Variants in DPP6 observed in about 807,000 individuals in gnomAD.
DPP6 encodes dipeptidyl peptidase like 6.
In DPP6, 69 loss-of-function variants were observed where a neutral mutation model predicts 122.6. The ratio of observed to expected loss-of-function variants is 0.56; its 90% confidence interval spans 0.46 to 0.69. The LOEUF (loss-of-function observed/expected upper bound fraction) is 0.69. DPP6 is among the 30% of genes least tolerant of loss of function. The pLI is 0.00. For missense variants in DPP6, 928 were observed against 1,116.9 expected (o/e 0.83, Z 2.41); for synonymous variants, 418 against 433.1 (o/e 0.97, Z 0.43).
intron 3 of DPP6, among the ~76,000 whole-genome samples, chr7:154,485,001 G>T (rs996767517): frequency 2.0e-5 from 3 of 152,190 alleles, no homozygotes; most frequent in Middle Eastern, 3.4e-3. Context: ...TAGGTAGAGG[G>T]GGGAATTCAA....
chr7:154,869,524 G>A (rs933233901), intron 18 of DPP6, among the ~76,000 whole-genome samples: 3 of 152,226 alleles, frequency 2.0e-5, no homozygotes, highest in South Asian at 2.1e-4. Context: ...AGAGGAGACC[G>A]TGCAATCCAG....
At chr7:153,883,451 C>T (rs761355383), upstream of DPP6, among the ~76,000 whole-genome samples, 3 of 151,882 alleles carry the variant, frequency 2.0e-5, no homozygotes, top group Admixed American at 6.6e-5. Context: ...GGCACAATCT[C>T]GGCTCACCAC....
chr7:154,285,125 T>C (rs1804767261), intron 1 of DPP6, among the ~76,000 whole-genome samples: 1 of 152,234 alleles, frequency 6.6e-6, no homozygotes, highest in African/African-American at 2.4e-5. Flanking sequence ...TTATTGCCAC[T>C]GAATTAAACA....
intron 5 of DPP6, 123 bp downstream of exon 5, chr7:154,567,039 T>C: frequency 1.4e-6 from 1 of 720,926 alleles, no homozygotes; most frequent in Non-Finnish European, 2.2e-6. Context: ...TTGTACATCC[T>C]GGAAGTCTCT....
intron 13 of DPP6, among the ~76,000 whole-genome samples, chr7:154,802,123 G>A (rs544186847): frequency 2.2e-4 from 34 of 152,244 alleles, no homozygotes; most frequent in African/African-American, 7.7e-4. Flanking sequence ...ACTCTGCCCT[G>A]AGGAAGAAGG....
intron 1 of DPP6, among the ~76,000 whole-genome samples, chr7:154,008,658 CTTTTTTTTTTTTT>C (rs57634994): frequency 3.0e-5 from 3 of 101,514 alleles, no homozygotes; most frequent in Admixed American, 9.9e-5. Context: ...TATTTCTTTT[CTTTTTTTTTTTTT>C]TTTTTTTTGA....
intron 1 of DPP6, among the ~76,000 whole-genome samples, chr7:154,379,193 C>T (rs982510064): frequency 3.3e-5 from 5 of 152,144 alleles, no homozygotes; most frequent in African/African-American, 1.2e-4. Flanking sequence ...TAAAAGGTCA[C>T]AGAGACCCCA....
intron 5 of DPP6, among the ~76,000 whole-genome samples, chr7:154,590,083 C>A (rs1832712001): frequency 6.6e-6 from 1 of 152,154 alleles, no homozygotes; most frequent in Non-Finnish European, 1.5e-5. Flanking sequence ...ATAACCACAT[C>A]CCCACCTGTT....
intron 8 of DPP6, among the ~76,000 whole-genome samples, chr7:154,731,751 A>C (rs1217668140): frequency 1.3e-5 from 2 of 152,254 alleles, no homozygotes; most frequent in African/African-American, 4.8e-5. Context: ...AAGACAGCTT[A>C]ATAGAGTCCT....
chr7:154,430,293 A>G (rs1818253377), intron 1 of DPP6, among the ~76,000 whole-genome samples: 1 of 152,194 alleles, frequency 6.6e-6, no homozygotes, highest in Non-Finnish European at 1.5e-5. Flanking sequence ...TTGTATGTTT[A>G]CTTTAACTTC....
chr7:153,824,760 A>C, the DPP6 span, among the ~76,000 whole-genome samples: 1 of 152,150 alleles, frequency 6.6e-6, no homozygotes, highest in Non-Finnish European at 1.5e-5. Context: ...GGAAGCTTTC[A>C]AGACCAGATT....
the DPP6 span, among the ~76,000 whole-genome samples, chr7:153,831,686 G>A: frequency 6.6e-6 from 1 of 152,030 alleles, no homozygotes; most frequent in African/African-American, 2.4e-5. Context: ...ACAAAATAAT[G>A]TTTTTTTAAT....
the DPP6 span, among the ~76,000 whole-genome samples, chr7:153,839,381 T>C: frequency 2.0e-5 from 3 of 152,202 alleles, no homozygotes; most frequent in Non-Finnish European, 2.9e-5. Flanking sequence ...TGCTGAGACC[T>C]TGAGAGCACA....
chr7:153,949,016 A>G (rs946985029), intron 1 of DPP6, among the ~76,000 whole-genome samples: 3 of 152,308 alleles, frequency 2.0e-5, no homozygotes, highest in East Asian at 1.9e-4. Flanking sequence ...CAAAATGGAT[A>G]TATATAAAAC....
At chr7:154,759,015 T>A (rs1433416244) in intron 8 of DPP6, among the ~76,000 whole-genome samples, 3 of 152,170 alleles carry the variant, frequency 2.0e-5, no homozygotes, top group African/African-American at 7.2e-5. Context: ...CAGATCCCAA[T>A]TTTGAGGGGC....
chr7:154,546,771 G>A (rs1206873715), intron 4 of DPP6, among the ~76,000 whole-genome samples: 1 of 152,136 alleles, frequency 6.6e-6, no homozygotes, highest in Non-Finnish European at 1.5e-5. Context: ...TCCAAAATAA[G>A]AAGAACAAAT....
chr7:154,441,618 C>CG (rs1439563718), intron 1 of DPP6, among the ~76,000 whole-genome samples: 4 of 152,116 alleles, frequency 2.6e-5, no homozygotes, highest in African/African-American at 9.7e-5. Context: ...CAAGATGAGA[C>CG]GTGTCAGATT....
At chr7:154,111,746 C>T (rs1394873093) in intron 1 of DPP6, among the ~76,000 whole-genome samples, 1 of 151,776 alleles carries the variant, frequency 6.6e-6, no homozygotes, top group Non-Finnish European at 1.5e-5. Flanking sequence ...CCTGAAATCC[C>T]ATCTGAATAT....
At chr7:154,807,212 G>GAGCAC (rs1798758009) in intron 16 of DPP6, 100 bp downstream of exon 16, 3 of 1,489,958 alleles carry the variant, frequency 2.0e-6, no homozygotes, top group Non-Finnish European at 2.7e-6. Context: ...GCTGTGGTGG[G>GAGCAC]AGCACAGCGT....
Sources: gnomAD v4.1 joint callset for allele counts (sites outside exome capture counted in the v4.1 genomes callset) on GRCh38, gnomAD v4.1.1 for gene constraint, MANE v1.5 for transcripts, NCBI Gene and HGNC (gene_info 2026-07-23, HGNC 2026-07-21) for gene names.